Variants in CLUL1 observed in about 807,000 individuals in gnomAD.
CLUL1 encodes the protein clusterin like 1.
Under a neutral mutation model 49.4 loss-of-function variants are expected in CLUL1, and 43 were observed. The observed-to-expected ratio is 0.87, with a 90% CI of 0.68 to 1.12. CLUL1 has a LOEUF of 1.12. CLUL1 is among the 50% of genes most tolerant of loss of function. The pLI, the probability that CLUL1 is intolerant of heterozygous loss-of-function variation, is 0.00. For missense variants in CLUL1, 486 were observed against 544.4 expected (o/e 0.89, Z 1.07); for synonymous variants, 192 against 184.9 (o/e 1.04, Z -0.31).
At chr18:639,798 A>C (rs762027317) in intron 7 of CLUL1, among the ~76,000 whole-genome samples, 1 of 151,890 alleles carries the variant, frequency 6.6e-6, no homozygotes, top group Non-Finnish European at 1.5e-5. Context: ...AGAAAAGAAA[A>C]AGAAAAAAGA....
chr18:601,405 G>A (rs185160958), intron 1 of CLUL1, among the ~76,000 whole-genome samples: 1 of 152,292 alleles, frequency 6.6e-6, no homozygotes, highest in Admixed American at 6.5e-5. Flanking sequence ...TACTTTGGGA[G>A]GCTGAGGTGG....
At chr18:641,640 C>A in intron 8 of CLUL1, 99 bp downstream of exon 8, 3 of 987,332 alleles carry the variant, frequency 3.0e-6, no homozygotes, top group Non-Finnish European at 4.6e-6. Flanking sequence ...TGAAAACAAG[C>A]TGTAGGAGGT....
At position 648,867 on chromosome 18, in the gene CLUL1, G is replaced by A. The variant is rs183164388; in HGVS notation, c.1398-1031G>A. ...GAGATGTGTTTTTACCATGTTGGCC[G>A]GGCTGGTCTCAAACTCCTGGCCTCA... On this transcript the variant is annotated intron_variant, in intron 9 of 9. Transcript: ENST00000692774. Among the ~76,000 whole-genome samples, 59 of 151,962 alleles carry A rather than the reference G, an allele frequency of 3.9e-4. No homozygotes were observed. In the East Asian group the frequency reaches 5.4e-3, roughly 14 times the overall value.
In CLUL1 at chr18:618,649, TC is replaced by T. The variant is rs1211344606; in HGVS notation, c.106+544del. ...ATAATCAGAGTCAAGAATGAGCTCC[TC>T]AGTAGGCCACGTTGGCTATTTTGAA... is the stretch of plus-strand genomic sequence containing the variant. On this transcript the variant is annotated intron_variant, in intron 3 of 9. Coordinates refer to ENST00000692774, the MANE Select transcript of CLUL1 (RefSeq NM_001393344.1). This position sits in a 1 kb window ranked among gnomAD's most constrained non-coding sequence, Gnocchi z 4.2. Among the ~76,000 whole-genome samples, 1 of 152,166 alleles carries T rather than the reference TC, an allele frequency of 6.6e-6. No homozygotes were observed. The highest frequency in any genetic ancestry group is 1.5e-5 in the Non-Finnish European group (1 of 68,022).
chr18:633,460 T>G lies in CLUL1; in HGVS notation c.994+25T>G, dbSNP rs536264738. ...GGTAAATAATTGCTATTTTGTTTTT[T>G]ATTCTACTTTAAGTTCTCAGGTACA... is the stretch of plus-strand genomic sequence containing the variant. On this transcript the variant is annotated intron_variant, in intron 7 of 9. Coordinates refer to ENST00000692774, the MANE Select transcript of CLUL1 (RefSeq NM_001393344.1). 1.9e-6 allele frequency: 3 copies of G among 1,598,618 alleles called. No homozygotes were observed. In the East Asian group the frequency reaches 6.7e-5, roughly 36 times the overall value.
At chr18:613,005 C>G in intron 2 of CLUL1, 1 of 288,816 alleles carries the variant, frequency 3.5e-6, no homozygotes, top group Non-Finnish European at 6.4e-6. Context: ...TAAATTCTGG[C>G]TTCATGATGA....
intron 2 of CLUL1, among the ~76,000 whole-genome samples, chr18:615,736 G>A (rs2073267554): frequency 6.6e-6 from 1 of 152,182 alleles, no homozygotes; most frequent in Non-Finnish European, 1.5e-5. Flanking sequence ...AATAATAATA[G>A]TTCGAGTTTT....
chr18:606,400 C>A lies in CLUL1; in HGVS notation c.-135-578C>A, dbSNP rs188557856. On this transcript the variant is annotated intron_variant, in intron 1 of 9. Transcript: ENST00000692774. This position sits in a 1 kb window ranked among gnomAD's most constrained non-coding sequence, Gnocchi z 4.1. ...TTCTCTGAGGGAACCTACTGGCCAC[C>A]TCCCTCTTAGGACCAGCCCATCGTC... Among the ~76,000 whole-genome samples the A allele has an allele frequency of 1.1e-4, 17 of 152,336 alleles. No homozygotes were observed. Among genetic ancestry groups the A allele is most frequent in the Non-Finnish European group, 2.1e-4 (14 of 68,028 alleles).
chr18:644,671 G>T (rs1011359854), intron 8 of CLUL1, among the ~76,000 whole-genome samples: 4 of 152,216 alleles, frequency 2.6e-5, no homozygotes, highest in Admixed American at 1.3e-4. Flanking sequence ...ATGTGCTACA[G>T]CTATGAGATA....
At chr18:629,943 C>T (rs1377468376) in intron 6 of CLUL1, among the ~76,000 whole-genome samples, 1 of 152,142 alleles carries the variant, frequency 6.6e-6, no homozygotes, top group Non-Finnish European at 1.5e-5. Context: ...CCTAGAAAAT[C>T]TGCCTAATGA....
intron 2 of CLUL1, among the ~76,000 whole-genome samples, chr18:614,020 A>G (rs1476933581): frequency 1.3e-5 from 2 of 152,214 alleles, no homozygotes; most frequent in East Asian, 3.8e-4. Flanking sequence ...ATTTCTTCCA[A>G]TAATTGCATT....
chr18:641,693 A>AACGT (rs1256534643), intron 8 of CLUL1, 152 bp downstream of exon 8: 6 of 661,942 alleles, frequency 9.1e-6, no homozygotes, highest in African/African-American at 3.6e-5. Context: ...GACTTGATTT[A>AACGT]ACGTAGTTCA....
At chr18:642,964 T>G (rs751954396) in intron 8 of CLUL1, among the ~76,000 whole-genome samples, 12 of 152,186 alleles carry the variant, frequency 7.9e-5, no homozygotes, top group South Asian at 4.1e-4. Flanking sequence ...TATAAACCAC[T>G]TCTGTCAGAA....
At chr18:632,707 C>T (rs2144112928) in intron 6 of CLUL1, among the ~76,000 whole-genome samples, 1 of 152,256 alleles carries the variant, frequency 6.6e-6, no homozygotes, top group South Asian at 2.1e-4. Flanking sequence ...ATGACTCCTC[C>T]TAGAAAATAA....
intron 2 of CLUL1, chr18:616,523 C>T (rs2073297991): frequency 6.6e-6 from 1 of 152,626 alleles, no homozygotes; most frequent in Non-Finnish European, 1.5e-5. Context: ...GAAGGTAGCC[C>T]AAGGTCACTG....
In CLUL1 at chr18:641,500, A is replaced by G. The variant is rs2144178739; in HGVS notation, c.1168A>G (p.Asn390Asp). Residue 390 changes from asparagine (N) to aspartate (D), a missense_variant, in exon 8 of 10, where the codon AAC becomes GAC. Physicochemically the swap from Asn to Asp is conservative, Grantham distance 23. Transcript: ENST00000692774. The part of the protein sequence containing the change: ...GQFGWVSELA[N>D]QAPETEIIFN... The stretch of plus-strand genomic sequence containing the variant: ...ATTTGGCTGGGTGTCTGAACTGGCA[A>G]ACCAGGCCCCAGAAACAGAGATCAT... The G allele has an allele frequency of 1.2e-6, 2 of 1,614,230 alleles. No homozygotes were observed. Among genetic ancestry groups the G allele is most frequent in the Non-Finnish European group, 1.7e-6 (2 of 1,180,046 alleles).
intron 4 of CLUL1, among the ~76,000 whole-genome samples, chr18:623,034 CT>C (rs112757495): frequency 0.012 from 1,770 of 143,524 alleles, 36 homozygotes; most frequent in African/African-American, 0.042. Context: ...GGAGAAACAA[CT>C]TTTTTTTTTT....
intron 9 of CLUL1, among the ~76,000 whole-genome samples, chr18:645,703 A>G (rs2074455139): frequency 6.8e-6 from 1 of 147,112 alleles, no homozygotes; most frequent in Non-Finnish European, 1.5e-5. Flanking sequence ...CTGAGGCAGG[A>G]GAATGGCGTG....
chr18:648,420 C>T (rs999671474), intron 9 of CLUL1, among the ~76,000 whole-genome samples: 8 of 152,176 alleles, frequency 5.3e-5, no homozygotes, highest in Non-Finnish European at 1.0e-4. Flanking sequence ...AACAAAATCA[C>T]AACTACCAAA....
Sources: gnomAD v4.1 joint callset for allele counts (sites outside exome capture counted in the v4.1 genomes callset) on GRCh38, gnomAD v4.1.1 for gene constraint, Gnocchi (gnomAD v3.1) non-coding constraint, MANE v1.5 for transcripts, NCBI Gene and HGNC (gene_info 2026-07-23, HGNC 2026-07-21) for gene names.